Variants in STIM1 observed in about 807,000 individuals in gnomAD.
STIM1 encodes the protein stromal interaction molecule 1.
Under a neutral mutation model 74.7 loss-of-function variants are expected in STIM1, and 25 were observed. That is an observed-to-expected ratio of 0.33 (90% CI 0.24 to 0.47). The LOEUF is 0.47. Ranked by LOEUF, STIM1 falls within the 20% of genes least tolerant of loss-of-function variation. STIM1 has a pLI of 1.00. For synonymous variants in STIM1, 328 were observed against 348.8 expected (o/e 0.94, Z 0.66); for missense variants, 728 against 920.8 (o/e 0.79, Z 2.71).
chr11:3,980,820 A>G (rs2093496948), intron 2 of STIM1, among the ~76,000 whole-genome samples: 1 of 152,106 alleles, frequency 6.6e-6, no homozygotes, highest in African/African-American at 2.4e-5. Context: ...TGTACATTGT[A>G]GGATGTTTAG....
chr11:4,011,975 T>C (rs557733652), intron 2 of STIM1, among the ~76,000 whole-genome samples: 1 of 152,356 alleles, frequency 6.6e-6, no homozygotes, highest in Non-Finnish European at 1.5e-5. Flanking sequence ...ATTTATTAAA[T>C]AGGGAATCCC....
At chr11:3,896,070 A>G (rs1275701220) in intron 1 of STIM1, among the ~76,000 whole-genome samples, 670 of 150,244 alleles carry the variant, frequency 4.5e-3, no homozygotes, top group African/African-American at 0.016. Context: ...ACACCCGGCT[A>G]ATTTTTTGTA....
chr11:3,900,132 G>A lies in STIM1; in HGVS notation c.139+43723G>A, dbSNP rs1332565512. Reference sequence around the variant, plus strand: ...TGTACCTCTGCCTAAGCAAGCCTGGGCAATGGCAGACGACCCTCCCCCAGC... The same window carrying A: ...TGTACCTCTGCCTAAGCAAGCCTGGACAATGGCAGACGACCCTCCCCCAGC... On this transcript the variant is annotated intron_variant, in intron 1 of 12. Transcript: ENST00000526596. 4.6e-5 allele frequency among the ~76,000 whole-genome samples: 7 copies of A among 152,126 alleles called. No individual in the cohort carries two copies. In the East Asian group the frequency reaches 1.3e-3, roughly 29 times the overall value.
chr11:3,894,316 C>T (rs1269541481), intron 1 of STIM1, among the ~76,000 whole-genome samples: 1 of 152,050 alleles, frequency 6.6e-6, no homozygotes, highest in African/African-American at 2.4e-5. Flanking sequence ...AAAAGGGCCC[C>T]GTATGTTTTC....
intron 3 of STIM1, among the ~76,000 whole-genome samples, chr11:4,044,495 G>T (rs1297421160): frequency 6.6e-6 from 1 of 152,148 alleles, no homozygotes. Flanking sequence ...TCTTCATGCT[G>T]GAACTCAGGG....
rs549846825 is a variant in STIM1 at position 3,974,111 on chromosome 11, G to C, written c.270+6429G>C. 1.0e-5 allele frequency: 7 copies of C among 681,062 alleles called. No individual in the cohort carries two copies. In the South Asian group the frequency reaches 1.1e-4, roughly 10 times the overall value. The allele number at this position is 681,062 out of a possible 1,614,324, so 42.2% of individuals were successfully genotyped here. On this transcript the variant is annotated intron_variant, in intron 2 of 12. Transcript: ENST00000526596. Reference sequence around the variant, plus strand: ...GGTATTTGGATCTCTCATTACCACAGTCTGTGAGTGCTCCCTGTTGCTCAG... The same window carrying C: ...GGTATTTGGATCTCTCATTACCACACTCTGTGAGTGCTCCCTGTTGCTCAG...
At chr11:3,998,685 T>C (rs1047499411) in intron 2 of STIM1, among the ~76,000 whole-genome samples, 1 of 152,128 alleles carries the variant, frequency 6.6e-6, no homozygotes, top group African/African-American at 2.4e-5. Flanking sequence ...AGGGGGATAA[T>C]GTATACCCTG....
intron 2 of STIM1, among the ~76,000 whole-genome samples, chr11:4,005,955 C>G (rs944905403): frequency 6.6e-6 from 1 of 152,104 alleles, no homozygotes; most frequent in African/African-American, 2.4e-5. Flanking sequence ...TGCTTCCTTG[C>G]TAGATGTTCA....
chr11:4,081,287 T>C (rs4910883), intron 7 of STIM1, among the ~76,000 whole-genome samples: 113,572 of 152,176 alleles, frequency 0.75, 45,033 homozygotes, highest in South Asian at 0.91. Context: ...AATGTCTGTA[T>C]GTACTTTCAA....
intron 1 of STIM1, among the ~76,000 whole-genome samples, chr11:3,918,115 C>G (rs1020856282): frequency 2.0e-5 from 3 of 152,108 alleles, no homozygotes; most frequent in South Asian, 2.1e-4. Flanking sequence ...ACTCTCTCCC[C>G]CTTTGGCTCT....
At chr11:3,881,376 T>C (rs1186260900) in intron 1 of STIM1, among the ~76,000 whole-genome samples, 1 of 151,680 alleles carries the variant, frequency 6.6e-6, no homozygotes, top group African/African-American at 2.4e-5. Context: ...TTATTTTATT[T>C]ATTTATTTTT....
intron 3 of STIM1, among the ~76,000 whole-genome samples, chr11:4,036,076 A>G (rs1411981365): frequency 6.6e-6 from 1 of 152,004 alleles, no homozygotes; most frequent in African/African-American, 2.4e-5. Context: ...CTCATCGTTG[A>G]GCTCTCACTT....
intron 1 of STIM1, among the ~76,000 whole-genome samples, chr11:3,923,099 CAAA>C (rs142720800): frequency 2.5e-5 from 3 of 119,112 alleles, no homozygotes. Context: ...GACTCCGTCT[CAAA>C]AAAAAAAAAA....
chr11:3,956,245 T>A (rs2093211140), intron 1 of STIM1, among the ~76,000 whole-genome samples: 3 of 152,182 alleles, frequency 2.0e-5, no homozygotes, highest in Non-Finnish European at 4.4e-5. Flanking sequence ...TCATTAAGTA[T>A]TTAGATTATC....
chr11:3,952,857 C>G (rs527708770), intron 1 of STIM1, among the ~76,000 whole-genome samples: 5 of 152,276 alleles, frequency 3.3e-5, no homozygotes, highest in South Asian at 2.1e-4. Flanking sequence ...GGCTGTCTAC[C>G]AGGAGTCTGA....
rs530980589 is a variant in STIM1 at position 3,977,980 on chromosome 11, A to T, written c.270+10298A>T. Among the ~76,000 whole-genome samples, 31 of 152,226 alleles carry T rather than the reference A, an allele frequency of 2.0e-4. No homozygotes were observed. In the South Asian group the frequency reaches 6.2e-3, roughly 31 times the overall value. ...TTTAGCCATGGGAGCCACTCCCAGC[A>T]GTGTGCCTAACTTGACTAGGGCCAG... On this transcript the variant is annotated intron_variant, in intron 2 of 12. Coordinates refer to ENST00000526596, the MANE Select transcript of STIM1 (RefSeq NM_001382567.1).
At position 4,079,220 on chromosome 11, in the gene STIM1, G is replaced by A. The variant is rs9733937; in HGVS notation, c.970-2964G>A. On this transcript the variant is annotated intron_variant, in intron 7 of 12. Coordinates refer to ENST00000526596, the MANE Select transcript of STIM1 (RefSeq NM_001382567.1). ...GCAGGAGAATGGCCTGAACCTGGGA[G>A]GCGGAGCTTGCAGTGAGCTGAGAGA... Among the ~76,000 whole-genome samples the A allele has an allele frequency of 5.5e-3, 832 of 152,172 alleles. 7 individuals are homozygous for A. The highest frequency in any genetic ancestry group is 0.019 in the African/African-American group (798 of 41,532).
At chr11:3,937,711 G>A (rs1297875811) in intron 1 of STIM1, among the ~76,000 whole-genome samples, 2 of 152,064 alleles carry the variant, frequency 1.3e-5, no homozygotes, top group African/African-American at 2.4e-5. Flanking sequence ...AAGTTTATAT[G>A]TATATAAGCT....
chr11:3,917,575 C>T (rs764033212), intron 1 of STIM1, among the ~76,000 whole-genome samples: 35 of 152,032 alleles, frequency 2.3e-4, no homozygotes, highest in Non-Finnish European at 4.6e-4. Flanking sequence ...GCTGGGACTA[C>T]AGGCGCATGC....
Sources: gnomAD v4.1 joint callset for allele counts (sites outside exome capture counted in the v4.1 genomes callset) on GRCh38, gnomAD v4.1.1 for gene constraint, MANE v1.5 for transcripts, NCBI Gene and HGNC (gene_info 2026-07-23, HGNC 2026-07-21) for gene names.